Variants in LTBP2 observed in about 807,000 individuals in gnomAD.
LTBP2 encodes the protein latent-transforming growth factor beta-binding protein 2.
A neutral mutation model predicts 210.6 loss-of-function variants in LTBP2; 103 were observed. The ratio of observed to expected loss-of-function variants is 0.49; its 90% CI spans 0.42 to 0.58. LTBP2 has a LOEUF of 0.58. LTBP2 is among the 20% of genes least tolerant of loss of function. The pLI is 0.00. For missense variants in LTBP2, 2,313 were observed against 2,494.5 expected (o/e 0.93, Z 1.55); for synonymous variants, 1,007 against 1,015.0 (o/e 0.99, Z 0.15).
In LTBP2 at chr14:74,528,890, G is replaced by A. The variant is rs988775846; in HGVS notation, c.2152+68C>T. The stretch of plus-strand genomic sequence containing the variant: ...TCCAGATTGAGGGAAGTCTACCCAG[G>A]CCTGGCAACATGGTCACTGGCCTTG... On this transcript the variant is annotated intron_variant, in intron 11 of 35. Transcript: ENST00000261978. The A allele has an allele frequency of 3.2e-6, 5 of 1,581,324 alleles. No individual in the cohort carries two copies. In the African/African-American group the frequency reaches 4.0e-5, roughly 13 times the overall value.
intron 8 of LTBP2, among the ~76,000 whole-genome samples, chr14:74,540,873 AT>A (rs1395345356): frequency 6.8e-5 from 7 of 103,314 alleles, no homozygotes; most frequent in Non-Finnish European, 9.3e-5. Flanking sequence ...ATATTTATAT[AT>A]ATAATATATA....
intron 5 of LTBP2, among the ~76,000 whole-genome samples, chr14:74,552,647 G>C (rs2087676092): frequency 6.6e-6 from 1 of 152,222 alleles, no homozygotes; most frequent in Non-Finnish European, 1.5e-5. Flanking sequence ...TGGGAGATGG[G>C]GAGGTGGCAT....
intron 8 of LTBP2, among the ~76,000 whole-genome samples, chr14:74,540,831 ATATATATT>A (rs1158201474): frequency 6.8e-4 from 6 of 8,792 alleles, no homozygotes; most frequent in East Asian, 1.3e-3. Context: ...TTTTTATATA[ATATATATT>A]TATATATATT....
In LTBP2 at chr14:74,586,716, GT is replaced by G. The variant is rs1208439412; in HGVS notation, c.566-599del. 6.6e-6 allele frequency among the ~76,000 whole-genome samples: 1 copy of G among 152,112 alleles called. No homozygotes were observed. The highest frequency in any genetic ancestry group is 1.5e-5 in the Non-Finnish European group (1 of 68,014). On this transcript the variant is annotated intron_variant, in intron 2 of 35. Transcript: ENST00000261978. The surrounding 1 kb of genome is among the most constrained non-coding windows in gnomAD (Gnocchi z 4.6). Reference sequence around the variant, plus strand: ...CTAAGGAGGCTGGAGGACTCTAAGGGTCCTTCAAAGGCACCTTCAGCTTGAC... The same window carrying G: ...CTAAGGAGGCTGGAGGACTCTAAGGGCCTTCAAAGGCACCTTCAGCTTGAC...
chr14:74,506,886 C>CATGCGCGT (rs1363848132), intron 26 of LTBP2, 63 bp from the exon 27 acceptor site: 3 of 1,575,532 alleles, frequency 1.9e-6, no homozygotes, highest in African/African-American at 3.0e-5. Context: ...TGTGCGCGCG[C>CATGCGCGT]GCGTGTGTGC....
At position 74,522,779 on chromosome 14, in the gene LTBP2, C is replaced by A. The variant is rs1336685961; in HGVS notation, c.2659+11G>T. On this transcript the variant is annotated intron_variant, in intron 16 of 35. Coordinates refer to ENST00000261978, the MANE Select transcript of LTBP2 (RefSeq NM_000428.3). ...AGCCGCCAAGTAAGCCCAGGGCACC[C>A]AAGTGAATACCTGTGCAGTAGGCCT... The A allele has an allele frequency of 4.4e-6, 7 of 1,608,600 alleles. No individual in the cohort carries two copies. The African/African-American group carries it at 8.0e-5, about 18-fold the overall frequency.
At chr14:74,604,164 C>CAAACAAAAAAAAA (rs1273987376) in intron 1 of LTBP2, among the ~76,000 whole-genome samples, 3 of 72,750 alleles carry the variant, frequency 4.1e-5, no homozygotes, top group African/African-American at 1.5e-4. Flanking sequence ...TGCCTCTCAC[C>CAAACAAAAAAAAA]AAAAAAAAAA....
chr14:74,554,412 T>C (rs1434000233), intron 4 of LTBP2, among the ~76,000 whole-genome samples: 2 of 151,944 alleles, frequency 1.3e-5, no homozygotes, highest in Admixed American at 1.3e-4. Flanking sequence ...GGTGAGAGGA[T>C]CACTTGAGCT....
intron 1 of LTBP2, among the ~76,000 whole-genome samples, chr14:74,608,647 T>G (rs1389423975): frequency 8.8e-5 from 13 of 148,164 alleles, no homozygotes; most frequent in Non-Finnish European, 1.9e-4. Flanking sequence ...GGGGTGGAGG[T>G]TGTAGTGAAC....
intron 2 of LTBP2, among the ~76,000 whole-genome samples, chr14:74,590,350 A>G (rs917304855): frequency 1.3e-5 from 2 of 152,258 alleles, no homozygotes; most frequent in African/African-American, 4.8e-5. Flanking sequence ...TGTCTACTGC[A>G]GCACAATTCA....
At chr14:74,565,318 G>A (rs1300831378) in intron 3 of LTBP2, among the ~76,000 whole-genome samples, 4 of 152,202 alleles carry the variant, frequency 2.6e-5, no homozygotes, top group Non-Finnish European at 5.9e-5. Flanking sequence ...CTTCAAGCAG[G>A]CCTAGGACAT....
chr14:74,503,234 G>A lies in LTBP2; in HGVS notation c.4873C>T (p.Pro1625Ser), dbSNP rs1377569931. The part of the protein sequence containing the change: ...EAWSQQCALC[P>S]PRSSEVYAQL... ...TCCCCCTCACCAGAGCTCCTCGGGG[G>A]ACACAGAGCACACTGCTGGCTCCAG... The change falls in exon 33 of 36, where the codon CCC (proline) becomes TCC (serine). Residue 1625 changes from proline to serine, a missense_variant. Pro to Ser is a moderately conservative substitution (Grantham distance 74). This residue lies in a region of LTBP2 where 443 missense variants were observed against 501.4 expected (regional missense o/e 0.88). Transcript: ENST00000261978. 1 of 1,614,036 alleles carries A rather than the reference G, an allele frequency of 6.2e-7. No homozygotes were observed. The highest frequency in any genetic ancestry group is 8.5e-7 in the Non-Finnish European group (1 of 1,180,048).
At chr14:74,566,251 G>C (rs2087900584) in intron 3 of LTBP2, among the ~76,000 whole-genome samples, 1 of 152,186 alleles carries the variant, frequency 6.6e-6, no homozygotes, top group African/African-American at 2.4e-5. Context: ...GAACAAAGAA[G>C]GGCAGAGGGG....
At chr14:74,538,665 A>G (rs2087453126) in intron 8 of LTBP2, among the ~76,000 whole-genome samples, 1 of 152,232 alleles carries the variant, frequency 6.6e-6, no homozygotes, top group Admixed American at 6.5e-5. Context: ...CAAGCATGAC[A>G]TGTGACAGCC....
chr14:74,529,312 T>C (rs570856672), intron 10 of LTBP2, among the ~76,000 whole-genome samples, 190 bp from the exon 11 acceptor site: 1 of 152,332 alleles, frequency 6.6e-6, no homozygotes, highest in Admixed American at 6.5e-5. Context: ...TAGTGGAATG[T>C]TTCAGCACCT....
At chr14:74,529,158 G>A (rs1239583423) in intron 10 of LTBP2, 36 bp from the exon 11 acceptor site, 13 of 1,550,530 alleles carry the variant, frequency 8.4e-6, no homozygotes, top group South Asian at 2.4e-5. Context: ...TGGGCAGGTG[G>A]CCAGTGGGAG....
rs578093703 is a variant in LTBP2 at position 74,501,115 on chromosome 14, A to T, written c.5321-86T>A. On this transcript the variant is annotated intron_variant, in intron 35 of 35. Transcript: ENST00000261978. ...CCTCTCTGGTTAGTAAGCCCTGGCC[A>T]CTGCCCTAGAGTGAAACCCTAAGTG... 109 of 1,473,110 alleles carry T rather than the reference A, an allele frequency of 7.4e-5. 1 individual carries two copies. The South Asian group carries it at 1.2e-3, about 16-fold the overall frequency. The allele number at this position is 1,473,110 out of a possible 1,614,324, so 91.3% of individuals were successfully genotyped here.
chr14:74,559,422 G>T (rs3729502), intron 3 of LTBP2, among the ~76,000 whole-genome samples: 82,948 of 151,936 alleles, frequency 0.55, 23,394 homozygotes, highest in African/African-American at 0.62. Context: ...AAGCTCCCAG[G>T]TTTTTTTATA....
chr14:74,528,085 C>T (rs940124879), intron 12 of LTBP2, among the ~76,000 whole-genome samples: 3 of 152,238 alleles, frequency 2.0e-5, no homozygotes, highest in Non-Finnish European at 4.4e-5. Flanking sequence ...AGCACTCTGA[C>T]TCCAAGGCCG....
Sources: allele counts gnomAD v4.1 joint callset (sites outside exome capture counted in the v4.1 genomes callset), GRCh38; gene constraint gnomAD v4.1.1; regional missense constraint gnomAD v4.1.1; non-coding constraint Gnocchi (gnomAD v3.1); transcripts MANE v1.5; gene names NCBI Gene and HGNC (gene_info 2026-07-23, HGNC 2026-07-21).